Variants in FOXP1 observed in about 807,000 individuals in gnomAD.
FOXP1 encodes the protein forkhead box protein P1.
In FOXP1, 15 loss-of-function variants were observed where a neutral mutation model predicts 98.2. The observed-to-expected ratio is 0.15, with a 90% CI of 0.10 to 0.24. The LOEUF (loss-of-function observed/expected upper bound fraction) is 0.24, where lower values mean the gene tolerates loss of function less well. Ranked by LOEUF, FOXP1 falls within the 10% of genes least tolerant of loss-of-function variation. The pLI, the probability that FOXP1 is intolerant of heterozygous loss-of-function variation, is 1.00. For missense variants in FOXP1, 633 were observed against 848.5 expected (o/e 0.75, Z 3.15); for synonymous variants, 371 against 314.5 (o/e 1.18, Z -1.90).
At chr3:71,528,918 T>C (rs752905735) in intron 2 of FOXP1, among the ~76,000 whole-genome samples, 2 of 152,222 alleles carry the variant, frequency 1.3e-5, no homozygotes, top group Non-Finnish European at 2.9e-5. Flanking sequence ...CTTCAAGGAA[T>C]AGCGATCATG....
At chr3:71,345,475 T>C (rs914718610) in intron 4 of FOXP1, among the ~76,000 whole-genome samples, 10 of 151,332 alleles carry the variant, frequency 6.6e-5, no homozygotes, top group Non-Finnish European at 1.2e-4. Flanking sequence ...AAACCTGGTT[T>C]CCTAACTGAA....
Position 71,520,722 on chromosome 3 carries a change from T to C in FOXP1, c.-297-27167A>G, listed in dbSNP as rs58662892. On this transcript the variant is annotated intron_variant, in intron 2 of 20. Coordinates refer to ENST00000649528, the MANE Select transcript of FOXP1 (RefSeq NM_001349338.3). ...GTATCAGAAACCTGTCGGTCTTGTGTCTCCACTTAGCCTCTAGGAGCCAAA... is the reference window on the plus strand; with the variant it reads ...GTATCAGAAACCTGTCGGTCTTGTGCCTCCACTTAGCCTCTAGGAGCCAAA... Among the ~76,000 whole-genome samples the C allele has an allele frequency of 1.0e-2, 1,519 of 152,328 alleles. 134 individuals carry two copies. The East Asian group carries it at 0.21, about 21-fold the overall frequency.
At chr3:71,375,040 G>A (rs1005882763) in intron 3 of FOXP1, among the ~76,000 whole-genome samples, 2 of 152,096 alleles carry the variant, frequency 1.3e-5, no homozygotes, top group Non-Finnish European at 2.9e-5. Context: ...TCTACTCTAG[G>A]AAATCTAGAC....
intron 14 of FOXP1, among the ~76,000 whole-genome samples, chr3:70,987,527 G>T (rs979463302): frequency 1.3e-5 from 2 of 152,146 alleles, no homozygotes; most frequent in African/African-American, 4.8e-5. Flanking sequence ...GGTTTCCTAT[G>T]TCTTTCCTCT....
At chr3:71,194,302 C>T (rs187652346) in intron 6 of FOXP1, among the ~76,000 whole-genome samples, 155 of 151,500 alleles carry the variant, frequency 1.0e-3, no homozygotes, top group African/African-American at 3.5e-3. Context: ...CCACAAAAAC[C>T]TCATCATTAA....
At chr3:71,367,804 C>G (rs2079025196) in intron 3 of FOXP1, among the ~76,000 whole-genome samples, 1 of 151,942 alleles carries the variant, frequency 6.6e-6, no homozygotes, top group South Asian at 2.1e-4. Context: ...AGAATTTGAC[C>G]ACCAGTCCTT....
rs147880624 is a variant in FOXP1 at position 71,061,724 on chromosome 3, C to T, written c.283-7951G>A. On this transcript the variant is annotated intron_variant, in intron 7 of 20. Transcript: ENST00000649528. ...ACCTGAAGTGGAATCTAACTGACCA[C>T]TACATTTGCCTAGTTACCAAGAACA... 2.2e-3 allele frequency among the ~76,000 whole-genome samples: 340 copies of T among 152,280 alleles called. 2 individuals are homozygous for T. Among genetic ancestry groups the T allele is most frequent in the African/African-American group, 7.7e-3 (320 of 41,564 alleles).
At chr3:71,002,355 A>G (rs1285500137) in intron 12 of FOXP1, among the ~76,000 whole-genome samples, 2 of 152,190 alleles carry the variant, frequency 1.3e-5, no homozygotes, top group Non-Finnish European at 2.9e-5. Context: ...AAAAGCAGTA[A>G]AGAGGAGACA....
chr3:71,295,580 C>A lies in FOXP1; in HGVS notation c.-12+4240G>T, dbSNP rs534457287. 2.0e-5 allele frequency among the ~76,000 whole-genome samples: 3 copies of A among 152,074 alleles called. No homozygotes were observed. The East Asian group carries it at 5.8e-4, about 29-fold the overall frequency. On this transcript the variant is annotated intron_variant, in intron 5 of 20. Transcript: ENST00000649528. The stretch of plus-strand genomic sequence containing the variant: ...ACCTGACTTTAAAAAAAAAACTGAA[C>A]CAATACACAAAATGTGAAGCTTGGA...
chr3:71,076,606 G>A (rs2053833234), intron 7 of FOXP1, among the ~76,000 whole-genome samples: 1 of 152,120 alleles, frequency 6.6e-6, no homozygotes, highest in Non-Finnish European at 1.5e-5. Flanking sequence ...GGTGTGGCTG[G>A]GGTGATTATA....
chr3:71,025,483 T>C (rs2045991939), intron 11 of FOXP1, among the ~76,000 whole-genome samples: 1 of 152,190 alleles, frequency 6.6e-6, no homozygotes, highest in African/African-American at 2.4e-5. Flanking sequence ...GGATGCCCTC[T>C]TTATAACAAG....
At chr3:71,435,273 AAGAAG>A (rs1560482753) in intron 3 of FOXP1, among the ~76,000 whole-genome samples, 2 of 5,732 alleles carry the variant, frequency 3.5e-4, no homozygotes, top group African/African-American at 1.5e-3. Flanking sequence ...GGAGGGAGGG[AAGAAG>A]GGAGGGAGGG....
At chr3:71,100,974 T>A (rs1476648266) in intron 7 of FOXP1, among the ~76,000 whole-genome samples, 1 of 152,068 alleles carries the variant, frequency 6.6e-6, no homozygotes, top group African/African-American at 2.4e-5. Context: ...GAGCGATGCA[T>A]AAAGAACAGA....
At chr3:71,113,978 A>G (rs1052936295) in intron 6 of FOXP1, among the ~76,000 whole-genome samples, 1 of 152,152 alleles carries the variant, frequency 6.6e-6, no homozygotes, top group African/African-American at 2.4e-5. Flanking sequence ...CCAAGAATGT[A>G]CACATGGCAG....
chr3:71,128,131 C>T (rs1022288265), intron 6 of FOXP1, among the ~76,000 whole-genome samples: 7 of 152,066 alleles, frequency 4.6e-5, no homozygotes, highest in Non-Finnish European at 8.8e-5. Context: ...TACGACTGGG[C>T]CAGGCACTGT....
chr3:70,978,825 AT>A (rs944985421), intron 14 of FOXP1, among the ~76,000 whole-genome samples: 5 of 152,066 alleles, frequency 3.3e-5, no homozygotes, highest in Non-Finnish European at 7.4e-5. Context: ...GGATCTGTTA[AT>A]TTTTTTTATT....
At chr3:71,457,356 T>C (rs1045693171) in intron 3 of FOXP1, among the ~76,000 whole-genome samples, 19 of 152,332 alleles carry the variant, frequency 1.2e-4, no homozygotes, top group African/African-American at 2.9e-4. Flanking sequence ...CTGTGCTATA[T>C]TGCAATTTTA....
At chr3:70,963,370 G>C (rs1424794789) in intron 20 of FOXP1, among the ~76,000 whole-genome samples, 2 of 152,222 alleles carry the variant, frequency 1.3e-5, no homozygotes, top group Admixed American at 1.3e-4. Flanking sequence ...TGGCAAACGT[G>C]TAGCACAAGC....
In FOXP1 at chr3:71,275,394, G is replaced by A. The variant is rs190394671; in HGVS notation, c.-12+24426C>T. Reference sequence around the variant, plus strand: ...AACACAGGCCTTTTATCACCTGGGTGGGTATAAGTCCCTAGAAGTAACAGT... The same window carrying A: ...AACACAGGCCTTTTATCACCTGGGTAGGTATAAGTCCCTAGAAGTAACAGT... On this transcript the variant is annotated intron_variant, in intron 5 of 20. Coordinates refer to ENST00000649528, the MANE Select transcript of FOXP1 (RefSeq NM_001349338.3). 1.8e-3 allele frequency among the ~76,000 whole-genome samples: 272 copies of A among 152,290 alleles called. 1 individual carries two copies. The highest frequency in any genetic ancestry group is 3.2e-3 in the Non-Finnish European group (219 of 68,024).
Sources: gnomAD v4.1 joint callset for allele counts (sites outside exome capture counted in the v4.1 genomes callset) on GRCh38, gnomAD v4.1.1 for gene constraint, MANE v1.5 for transcripts, NCBI Gene and HGNC (gene_info 2026-07-23, HGNC 2026-07-21) for gene names.